Variants in EHD3 observed in about 807,000 individuals in gnomAD.
EHD3 encodes EH domain-containing protein 3.
A neutral mutation model predicts 43.0 loss-of-function variants in EHD3; 17 were observed. The ratio of observed to expected loss-of-function variants is 0.40; its 90% confidence interval spans 0.27 to 0.59. The LOEUF (loss-of-function observed/expected upper bound fraction) is 0.59. Ranked by LOEUF, EHD3 falls within the 20% of genes least tolerant of loss-of-function variation. The probability of loss-of-function intolerance (pLI) is 0.49; values close to 1 mark genes in which losing one functional copy is unlikely to be tolerated. For synonymous variants in EHD3, 313 were observed against 289.5 expected, an observed-to-expected ratio of 1.08 and a Z score of -0.82; for missense variants, 594 against 705.6, an observed-to-expected ratio of 0.84 and a Z score of 1.79.
chr2:31,250,573 C>A (rs1262666145), intron 3 of EHD3, among the ~76,000 whole-genome samples: 1 of 152,068 alleles, frequency 6.6e-6, no homozygotes, highest in Non-Finnish European at 1.5e-5. Flanking sequence ...AGCCTGTTTT[C>A]TTTTTTCTAA....
At chr2:31,250,559 A>C (rs1572466937) in intron 3 of EHD3, among the ~76,000 whole-genome samples, 1 of 152,112 alleles carries the variant, frequency 6.6e-6, no homozygotes. Flanking sequence ...GAACCACCGC[A>C]CCCAGCCTGT....
chr2:31,264,555 A>ATTC (rs1683908852), intron 5 of EHD3, among the ~76,000 whole-genome samples: 1 of 29,372 alleles, frequency 3.4e-5, no homozygotes, highest in Admixed American at 3.8e-4. Context: ...TTTTTTTTTG[A>ATTC]TACAGAGTCT....
intron 3 of EHD3, 51 bp downstream of exon 3, chr2:31,249,519 C>T (rs375517575): frequency 5.2e-6 from 8 of 1,546,866 alleles, no homozygotes; most frequent in East Asian, 4.5e-5. Context: ...GGTTCTGGCA[C>T]GTTCAGTCTC....
chr2:31,243,106 G>A (rs748064153), intron 1 of EHD3, among the ~76,000 whole-genome samples: 17 of 151,728 alleles, frequency 1.1e-4, no homozygotes, highest in Non-Finnish European at 2.2e-4. Flanking sequence ...GGGAAGCCCC[G>A]TCTTTACAAA....
intron 5 of EHD3, among the ~76,000 whole-genome samples, chr2:31,264,597 C>T (rs988267103): frequency 8.8e-5 from 12 of 137,032 alleles, no homozygotes; most frequent in African/African-American, 2.9e-4. Flanking sequence ...TGCAGTGGCG[C>T]GATCTCGGCT....
rs1683983398 is a variant in EHD3, at chr2:31,267,742, A to C, written c.*1038A>C. 1 of 152,270 alleles carries C rather than the reference A, an allele frequency of 6.6e-6. No individual in the cohort carries two copies. The highest frequency in any genetic ancestry group is 1.5e-5 in the Non-Finnish European group (1 of 68,044). 9.4% of individuals were successfully genotyped at this position (152,270 alleles called of 1,614,324 possible). On this transcript the variant is annotated 3_prime_UTR_variant, in exon 6 of 6. Transcript: ENST00000322054. ...TGTGCTATGATGTATGCAGGATCCC[A>C]GCATTGATACCCAATGACAAACTAT...
At position 31,269,238 on chromosome 2, in the gene EHD3, A is replaced by G. The variant is rs1266552026; in HGVS notation, c.*2534A>G. The G allele has an allele frequency of 6.6e-6, 1 of 152,170 alleles. No homozygotes were observed. Among genetic ancestry groups the G allele is most frequent in the Non-Finnish European group, 1.5e-5 (1 of 68,040 alleles). 9.4% of individuals were successfully genotyped at this position (152,170 alleles called of 1,614,324 possible). The stretch of plus-strand genomic sequence containing the variant: ...TTGTCCTGTTGTTCCTTGCCCCGAC[A>G]TTACTCAGTCTGGGCCATGGAATCC... On this transcript the variant is annotated 3_prime_UTR_variant, in exon 6 of 6. Transcript: ENST00000322054.
chr2:31,251,664 A>G (rs1317724216), intron 3 of EHD3, among the ~76,000 whole-genome samples: 1 of 152,062 alleles, frequency 6.6e-6, no homozygotes, highest in African/African-American at 2.4e-5. Flanking sequence ...CTGGCTCCCT[A>G]TCTCTGGGCT....
At position 31,260,008 on chromosome 2, in the gene EHD3, C is replaced by A. The variant is rs1422598463; in HGVS notation, c.503-502C>A. On this transcript the variant is annotated intron_variant, in intron 3 of 5. Coordinates refer to ENST00000322054, the MANE Select transcript of EHD3 (RefSeq NM_014600.3). The surrounding 1 kb of genome is among the most constrained non-coding windows in gnomAD (Gnocchi z 4.6). The stretch of plus-strand genomic sequence containing the variant: ...CTGAGGTCAGGAGTTCAAGACTCAG[C>A]CTGGCTAACATGGTTAAACCTGTCT... 1.3e-5 allele frequency among the ~76,000 whole-genome samples: 2 copies of A among 152,168 alleles called. No individual in the cohort carries two copies. The highest frequency in any genetic ancestry group is 4.8e-5 in the African/African-American group (2 of 41,432).
intron 1 of EHD3, among the ~76,000 whole-genome samples, chr2:31,235,652 A>G (rs1054028441): frequency 6.6e-5 from 10 of 152,202 alleles, no homozygotes; most frequent in African/African-American, 2.4e-4. Flanking sequence ...TCCTAGATGC[A>G]TGTGAGGAGA....
chr2:31,264,139 T>C (rs1456439899), intron 5 of EHD3, among the ~76,000 whole-genome samples: 1 of 152,216 alleles, frequency 6.6e-6, no homozygotes, highest in Non-Finnish European at 1.5e-5. Context: ...TACACAAACC[T>C]GCATGGTAGG....
chr2:31,253,634 G>A (rs1683683206), intron 3 of EHD3, among the ~76,000 whole-genome samples: 2 of 152,216 alleles, frequency 1.3e-5, no homozygotes, highest in Non-Finnish European at 2.9e-5. Context: ...CAAGACCTCA[G>A]GCTTCACAGG....
chr2:31,239,934 G>A (rs145377532), intron 1 of EHD3, among the ~76,000 whole-genome samples: 29 of 152,324 alleles, frequency 1.9e-4, no homozygotes, highest in Non-Finnish European at 3.8e-4. Context: ...GAAGGGGCAC[G>A]TCGCTGAGCT....
chr2:31,237,348 A>G (rs1282794378), intron 1 of EHD3, among the ~76,000 whole-genome samples: 1 of 152,050 alleles, frequency 6.6e-6, no homozygotes, highest in Non-Finnish European at 1.5e-5. Flanking sequence ...ATTTGTAGCT[A>G]TTTTATAGCA....
chr2:31,247,315 TTTTG>T (rs540535118), intron 2 of EHD3, among the ~76,000 whole-genome samples: 84 of 151,560 alleles, frequency 5.5e-4, no homozygotes, highest in Admixed American at 1.1e-3. Context: ...TTGTTTTGTT[TTTTG>T]TTTGTTTGTT....
chr2:31,243,195 T>C (rs185603376), intron 1 of EHD3, among the ~76,000 whole-genome samples: 4 of 152,128 alleles, frequency 2.6e-5, no homozygotes, highest in African/African-American at 7.2e-5. Flanking sequence ...GGAGTCTCAC[T>C]TGAACCTGGG....
At chr2:31,257,663 A>T (rs541677437) in intron 3 of EHD3, among the ~76,000 whole-genome samples, 1 of 152,202 alleles carries the variant, frequency 6.6e-6, no homozygotes, top group Non-Finnish European at 1.5e-5. Flanking sequence ...TACCGTCTGC[A>T]GCAAGCACTG....
chr2:31,239,964 GTGC>G (rs1172359506), intron 1 of EHD3, among the ~76,000 whole-genome samples: 3 of 152,206 alleles, frequency 2.0e-5, no homozygotes, highest in African/African-American at 7.2e-5. Context: ...GTGCCGGGTA[GTGC>G]CCTGGGCGGG....
intron 1 of EHD3, among the ~76,000 whole-genome samples, chr2:31,237,213 A>C (rs1683340313): frequency 6.6e-6 from 1 of 152,168 alleles, no homozygotes; most frequent in South Asian, 2.1e-4. Context: ...AATATAGAAA[A>C]GAATAAATTT....
Sources: allele counts gnomAD v4.1 joint callset (sites outside exome capture counted in the v4.1 genomes callset), GRCh38; gene constraint gnomAD v4.1.1; non-coding constraint Gnocchi (gnomAD v3.1); transcripts MANE v1.5; gene names NCBI Gene and HGNC (gene_info 2026-07-23, HGNC 2026-07-21).